Variants in TBC1D1 observed in about 807,000 individuals in gnomAD.
TBC1D1 encodes TBC1 (tre-2/USP6, BUB2, cdc16) domain family, member 1.
TBC1D1 carries 89 observed loss-of-function variants against 125.6 expected under a neutral mutation model. The ratio of observed to expected loss-of-function variants is 0.71; its 90% confidence interval spans 0.60 to 0.85. TBC1D1 has a LOEUF of 0.85. Ranked by LOEUF, TBC1D1 falls within the 40% of genes least tolerant of loss-of-function variation. The pLI is 0.00. For synonymous variants in TBC1D1, 565 were observed against 564.1 expected (o/e 1.00, Z -0.02); for missense variants, 1,377 against 1,469.2 (o/e 0.94, Z 1.03).
intron 2 of TBC1D1, among the ~76,000 whole-genome samples, chr4:37,942,910 G>C (rs1725880985): frequency 6.6e-6 from 1 of 152,166 alleles, no homozygotes; most frequent in Admixed American, 6.6e-5. Flanking sequence ...CTTGTTAGTT[G>C]ATGCAGTTTC....
intron 2 of TBC1D1, among the ~76,000 whole-genome samples, chr4:37,915,249 C>T (rs950787323): frequency 1.3e-5 from 2 of 152,088 alleles, no homozygotes; most frequent in Non-Finnish European, 2.9e-5. Flanking sequence ...CTGTATTAGT[C>T]AGCATTCTCC....
intron 2 of TBC1D1, among the ~76,000 whole-genome samples, chr4:37,928,456 A>AG (rs201954265): frequency 1.5e-5 from 2 of 136,078 alleles, no homozygotes; most frequent in Non-Finnish European, 3.5e-5. Flanking sequence ...ATAGAAGCTT[A>AG]GGTTTTTTTT....
chr4:38,093,593 C>T (rs944878147), intron 13 of TBC1D1, among the ~76,000 whole-genome samples: 1 of 149,756 alleles, frequency 6.7e-6, no homozygotes, highest in Non-Finnish European at 1.5e-5. Context: ...GGCACAATCT[C>T]GGCTCACTGC....
chr4:38,092,801 C>T (rs948082922), intron 13 of TBC1D1, among the ~76,000 whole-genome samples: 17 of 151,882 alleles, frequency 1.1e-4, no homozygotes, highest in Non-Finnish European at 1.5e-4. Context: ...TCTCAGGGGG[C>T]CAGAACCTAT....
At position 38,050,030 on chromosome 4, in the gene TBC1D1, G is replaced by A. The variant is rs117987418; in HGVS notation, c.1910+132G>A. 4 of 1,030,756 alleles carry A rather than the reference G, an allele frequency of 3.9e-6. No individual in the cohort carries two copies. The East Asian group carries it at 1.0e-4, about 26-fold the overall frequency. 63.9% of individuals were successfully genotyped at this position (1,030,756 alleles called of 1,614,324 possible). A position where few individuals can be genotyped will look rare whatever the true frequency, so the allele number is the denominator to read the frequency against. ...TTACTCTTGGTTTGGAGATAAAACT[G>A]GAAGCAGTGACATGTTCGTTCGAGC... On this transcript the variant is annotated intron_variant, in intron 11 of 19. Transcript: ENST00000261439.
In TBC1D1 at chr4:38,105,030, C is replaced by T. The variant is rs62297262; in HGVS notation, c.2557+1873C>T. 5.6e-3 allele frequency among the ~76,000 whole-genome samples: 859 copies of T among 152,236 alleles called. 3 individuals are homozygous for T. Among genetic ancestry groups the T allele is most frequent in the Non-Finnish European group, 8.1e-3 (548 of 68,014 alleles). On this transcript the variant is annotated intron_variant, in intron 15 of 19. Coordinates refer to ENST00000261439, the MANE Select transcript of TBC1D1 (RefSeq NM_015173.4). Reference sequence around the variant, plus strand: ...TTGGCCTCTCAAAGTGCTGGGATTACAGGCGTGAGCCACCACACCCGGCCC... The same window carrying T: ...TTGGCCTCTCAAAGTGCTGGGATTATAGGCGTGAGCCACCACACCCGGCCC...
chr4:38,052,740 A>G (rs1275493042), intron 11 of TBC1D1, among the ~76,000 whole-genome samples: 28 of 146,562 alleles, frequency 1.9e-4, no homozygotes, highest in South Asian at 6.6e-4. Flanking sequence ...ACACACACAC[A>G]CACACACACA....
intron 2 of TBC1D1, among the ~76,000 whole-genome samples, chr4:37,938,158 G>T (rs1456139431): frequency 6.6e-6 from 1 of 152,048 alleles, no homozygotes; most frequent in Middle Eastern, 3.2e-3. Flanking sequence ...AGATGGGAGG[G>T]TCGCTTGAGA....
chr4:37,955,434 T>C (rs1355075637), intron 2 of TBC1D1, among the ~76,000 whole-genome samples: 1 of 152,242 alleles, frequency 6.6e-6, no homozygotes, highest in Non-Finnish European at 1.5e-5. Context: ...AGTATTTGCC[T>C]GTAACCTGTG....
intron 15 of TBC1D1, among the ~76,000 whole-genome samples, chr4:38,104,238 G>C (rs541466741): frequency 4.6e-5 from 7 of 151,456 alleles, no homozygotes; most frequent in Admixed American, 2.0e-4. Flanking sequence ...TCTTATAGAA[G>C]GGCCTTGAGC....
At chr4:38,111,982 C>T in intron 15 of TBC1D1, 3 of 985,318 alleles carry the variant, frequency 3.0e-6, no homozygotes, top group South Asian at 4.7e-5. Flanking sequence ...TTGGGAGTCT[C>T]ATAGAACACA....
chr4:37,972,903 C>CA (rs33977382), intron 2 of TBC1D1, among the ~76,000 whole-genome samples: 5,685 of 104,422 alleles, frequency 0.054, 142 homozygotes, highest in Non-Finnish European at 0.07. Flanking sequence ...ACTCCATCTC[C>CA]AAAAAAAAAA....
intron 2 of TBC1D1, among the ~76,000 whole-genome samples, chr4:37,927,331 A>C (rs1487434177): frequency 1.3e-5 from 2 of 152,180 alleles, no homozygotes; most frequent in African/African-American, 4.8e-5. Context: ...CAATTTTTAC[A>C]AAATTGATTT....
intron 1 of TBC1D1, among the ~76,000 whole-genome samples, chr4:37,900,407 C>CTTT (rs10612576): frequency 4.5e-4 from 64 of 140,740 alleles, no homozygotes; most frequent in African/African-American, 1.5e-3. Context: ...AAGGAAATAT[C>CTTT]TTTTTTTTTT....
intron 2 of TBC1D1, among the ~76,000 whole-genome samples, chr4:37,987,784 C>T (rs766336358): frequency 2.0e-5 from 3 of 152,136 alleles, no homozygotes; most frequent in Non-Finnish European, 1.5e-5. Context: ...TGCATTTTCT[C>T]GTTGACTTGA....
intron 2 of TBC1D1, among the ~76,000 whole-genome samples, chr4:37,982,058 T>G (rs905687256): frequency 6.6e-6 from 1 of 152,228 alleles, no homozygotes; most frequent in Non-Finnish European, 1.5e-5. Context: ...CGAGTACAAC[T>G]TGCCCTTCCA....
At position 38,014,843 on chromosome 4, in the gene TBC1D1, A is replaced by G. The variant is rs1742334981; in HGVS notation, c.752A>G (p.Gln251Arg). 4.3e-6 allele frequency: 7 copies of G among 1,611,952 alleles called. No homozygotes were observed. Among genetic ancestry groups the G allele is most frequent in the South Asian group, 1.1e-5 (1 of 91,024 alleles). Residue 251 changes from glutamine (Q) to arginine (R), a missense_variant, in exon 3 of 20, where the codon CAG becomes CGG. Gln to Arg is a conservative substitution (Grantham distance 43, BLOSUM62 1). This residue lies in a region of TBC1D1 where 822 missense variants were observed against 824.6 expected (regional missense o/e 1.00). Transcript: ENST00000261439. The surrounding 1 kb of genome is among the most constrained non-coding windows in gnomAD (Gnocchi z 5.1). ...TCGCTGGCCTTTAGGAAGGAGCTGC[A>G]GGATGGGGGCCTCCGAAGCAGCGGC...
At chr4:38,001,070 G>A (rs1200899786) in intron 2 of TBC1D1, among the ~76,000 whole-genome samples, 2 of 151,896 alleles carry the variant, frequency 1.3e-5, no homozygotes, top group African/African-American at 4.8e-5. Context: ...AATACAAAAA[G>A]TTAGCCGGGC....
intron 1 of TBC1D1, among the ~76,000 whole-genome samples, chr4:37,898,877 A>T (rs1002211619): frequency 9.9e-5 from 15 of 152,264 alleles, no homozygotes; most frequent in Middle Eastern, 6.8e-3. Flanking sequence ...GGCATGAGAA[A>T]CGGGGAACCA....
Sources: allele counts gnomAD v4.1 joint callset (sites outside exome capture counted in the v4.1 genomes callset), GRCh38; gene constraint gnomAD v4.1.1; regional missense constraint gnomAD v4.1.1; non-coding constraint Gnocchi (gnomAD v3.1); transcripts MANE v1.5; gene names NCBI Gene and HGNC (gene_info 2026-07-23, HGNC 2026-07-21).